The following KDM2B variants were observed in gnomAD, a reference collection of about 807,000 sequenced individuals.
KDM2B encodes lysine-specific demethylase 2B.
KDM2B carries 26 observed loss-of-function variants against 150.0 expected under a neutral mutation model. That is an observed-to-expected ratio of 0.17 (90% CI 0.13 to 0.24). The LOEUF (loss-of-function observed/expected upper bound fraction) is 0.24. Ranked by LOEUF, KDM2B falls within the 10% of genes least tolerant of loss-of-function variation. The pLI is 1.00. For missense variants in KDM2B, 1,265 were observed against 1,816.9 expected (o/e 0.70, Z 5.52); for synonymous variants, 734 against 729.5 (o/e 1.01, Z -0.10).
At chr12:121,526,281 A>G (rs1381415014) in intron 8 of KDM2B, among the ~76,000 whole-genome samples, 3 of 152,120 alleles carry the variant, frequency 2.0e-5, no homozygotes, top group Non-Finnish European at 2.9e-5. Context: ...TGAACCCAGG[A>G]GGTAAAAGTT....
chr12:121,481,768 TTTGTTTG>T (rs1882178331), intron 12 of KDM2B, among the ~76,000 whole-genome samples: 1 of 149,160 alleles, frequency 6.7e-6, no homozygotes, highest in African/African-American at 2.5e-5. Context: ...GTTTTTTTTG[TTTGTTTG>T]TTTGTTTGTT....
chr12:121,542,425 G>A (rs1312374338), intron 6 of KDM2B, among the ~76,000 whole-genome samples: 1 of 152,194 alleles, frequency 6.6e-6, no homozygotes, highest in Non-Finnish European at 1.5e-5. Context: ...GATTACAGGC[G>A]TAAGCCACCA....
intron 12 of KDM2B, among the ~76,000 whole-genome samples, chr12:121,461,226 G>C (rs138053937): frequency 3.9e-5 from 6 of 152,296 alleles, no homozygotes; most frequent in African/African-American, 1.4e-4. Context: ...AAGAACAAGA[G>C]AGAGATGTGA....
At chr12:121,539,326 C>CAAAAAAA (rs60048517) in intron 6 of KDM2B, among the ~76,000 whole-genome samples, 13 of 58,612 alleles carry the variant, frequency 2.2e-4, no homozygotes, top group Non-Finnish European at 3.3e-4. Flanking sequence ...GACCCTCTCC[C>CAAAAAAA]AAAAAAAAAA....
intron 12 of KDM2B, among the ~76,000 whole-genome samples, chr12:121,459,487 G>T (rs1878788106): frequency 1.3e-5 from 2 of 151,652 alleles, no homozygotes. Context: ...TCTCTGATAT[G>T]ACACCAAAAG....
intron 12 of KDM2B, among the ~76,000 whole-genome samples, chr12:121,460,475 C>A (rs1878952942): frequency 6.6e-6 from 1 of 152,190 alleles, no homozygotes; most frequent in Non-Finnish European, 1.5e-5. Context: ...CTCAGCTAAC[C>A]GCAGCCTCGA....
chr12:121,439,033 G>A (rs543165602), intron 22 of KDM2B, among the ~76,000 whole-genome samples: 134 of 152,292 alleles, frequency 8.8e-4, no homozygotes, highest in African/African-American at 3.0e-3. Context: ...CCAACGGCAA[G>A]TGCAGCGAGC....
intron 13 of KDM2B, among the ~76,000 whole-genome samples, chr12:121,446,196 C>G (rs569313409): frequency 3.3e-5 from 5 of 152,086 alleles, no homozygotes; most frequent in African/African-American, 1.2e-4. Flanking sequence ...GAGATCGAGA[C>G]CATCCCGGCT....
chr12:121,573,455 TG>T (rs782125256), intron 4 of KDM2B, among the ~76,000 whole-genome samples: 7 of 151,770 alleles, frequency 4.6e-5, no homozygotes, highest in Non-Finnish European at 8.8e-5. Context: ...GCTAATTTTT[TG>T]TAGAGAGAGG....
chr12:121,453,660 C>G lies in KDM2B; in HGVS notation c.1735-316G>C, dbSNP rs1877722040. On this transcript the variant is annotated intron_variant, in intron 12 of 22. Transcript: ENST00000377071. The surrounding 1 kb of genome is among the most constrained non-coding windows in gnomAD (Gnocchi z 6.4). Reference sequence around the variant, plus strand: ...GGCCTTCCACAGACTGGAGCCCTGTCTACAAGCCAAGAAGTGCCAAGGATG... The same window carrying G: ...GGCCTTCCACAGACTGGAGCCCTGTGTACAAGCCAAGAAGTGCCAAGGATG... Among the ~76,000 whole-genome samples, 1 of 152,160 alleles carries G rather than the reference C, an allele frequency of 6.6e-6. No individual in the cohort carries two copies. The highest frequency in any genetic ancestry group is 2.1e-4 in the South Asian group (1 of 4,834).
chr12:121,579,042 G>T lies in KDM2B; in HGVS notation c.127-96C>A. 3.7e-6 allele frequency: 5 copies of T among 1,350,804 alleles called. No homozygotes were observed. The South Asian group carries it at 5.3e-5, about 14-fold the overall frequency. The allele number at this position is 1,350,804 out of a possible 1,614,324, so 83.7% of individuals were successfully genotyped here. On this transcript the variant is annotated intron_variant, in intron 1 of 22. Transcript: ENST00000377071. ...CAGCACTAACAGGTGCAGCAGCCGA[G>T]CGCCCCCTGCACCCCACCATTGCAA...
chr12:121,423,370 C>T, the KDM2B span: 1 of 1,590,100 alleles, frequency 6.3e-7, no homozygotes, highest in Non-Finnish European at 8.6e-7. This position sits in a 1 kb window ranked among gnomAD's most constrained non-coding sequence, Gnocchi z 4.3. Flanking sequence ...GGCCTTAGCT[C>T]TCTGTTGCCT....
At chr12:121,510,562 G>A (rs1885496922) in intron 10 of KDM2B, among the ~76,000 whole-genome samples, 1 of 152,138 alleles carries the variant, frequency 6.6e-6, no homozygotes, top group Admixed American at 6.6e-5. Flanking sequence ...AGGGGCCTAG[G>A]CGAGTGGATT....
chr12:121,497,595 C>T (rs782667623), intron 11 of KDM2B, among the ~76,000 whole-genome samples: 14 of 151,930 alleles, frequency 9.2e-5, no homozygotes, highest in Non-Finnish European at 1.3e-4. Flanking sequence ...TGTGAGCCAC[C>T]GCACCTGGCC....
chr12:121,574,390 C>T (rs1310915669), intron 4 of KDM2B, 157 bp downstream of exon 4: 1 of 640,336 alleles, frequency 1.6e-6, no homozygotes. Flanking sequence ...ACCTGTTCTC[C>T]AGAATGAAAC....
intron 21 of KDM2B, chr12:121,440,281 CTA>C (rs1874752693): frequency 1.7e-6 from 1 of 589,498 alleles, no homozygotes; most frequent in Admixed American, 3.0e-5. Context: ...TCTTGAAAAA[CTA>C]AAAGACCTAG....
At position 121,549,447 on chromosome 12, in the gene KDM2B, G is replaced by A; in HGVS notation, c.576+13C>T. The A allele has an allele frequency of 6.3e-7, 1 of 1,580,602 alleles. No individual in the cohort carries two copies. The highest frequency in any genetic ancestry group is 1.1e-5 in the South Asian group (1 of 87,936). The stretch of plus-strand genomic sequence containing the variant: ...GAAGGTATCTGGGGAGGGTACCTGG[G>A]CCCCGGACCTACCACAGTCGGACGC... On this transcript the variant is annotated intron_variant, in intron 5 of 22. Transcript: ENST00000377071. The surrounding 1 kb of genome is among the most constrained non-coding windows in gnomAD (Gnocchi z 4.4).
Position 121,452,863 on chromosome 12 carries a change from CACAG to C in KDM2B, c.1959+253_1959+256del, listed in dbSNP as rs1877538584. The stretch of plus-strand genomic sequence containing the variant: ...AGAACCGTAATGTTGGCAACGGGGT[CACAG>C]ACAGGACAGGCTGCCTGTCATCTTT... On this transcript the variant is annotated intron_variant, in intron 13 of 22. Coordinates refer to ENST00000377071, the MANE Select transcript of KDM2B (RefSeq NM_032590.5). The surrounding 1 kb of genome is among the most constrained non-coding windows in gnomAD (Gnocchi z 4.4). Among the ~76,000 whole-genome samples the C allele has an allele frequency of 6.6e-6, 1 of 152,204 alleles. No individual in the cohort carries two copies. Among genetic ancestry groups the C allele is most frequent in the South Asian group, 2.1e-4 (1 of 4,832 alleles).
At chr12:121,426,035 C>A (rs1262166024), downstream of KDM2B, among the ~76,000 whole-genome samples, 1 of 152,096 alleles carries the variant, frequency 6.6e-6, no homozygotes, top group Non-Finnish European at 1.5e-5. Context: ...CCAAAGTAAT[C>A]TTTTGATGAG....
Sources: allele counts gnomAD v4.1 joint callset (sites outside exome capture counted in the v4.1 genomes callset), GRCh38; gene constraint gnomAD v4.1.1; non-coding constraint Gnocchi (gnomAD v3.1); transcripts MANE v1.5; gene names NCBI Gene and HGNC (gene_info 2026-07-23, HGNC 2026-07-21).